FAM193A: variants seen among roughly 807,000 people sequenced by gnomAD.
FAM193A encodes the protein protein FAM193A.
Under a neutral mutation model 126.5 loss-of-function variants are expected in FAM193A, and 22 were observed. That is an observed-to-expected ratio of 0.17 (90% CI 0.12 to 0.25). The LOEUF (loss-of-function observed/expected upper bound fraction) is 0.25, where lower values mean the gene tolerates loss of function less well. Among genes scored for constraint, FAM193A ranks in the 10% least tolerant of loss-of-function variants. The pLI, the probability that FAM193A is intolerant of heterozygous loss-of-function variation, is 1.00. For missense variants in FAM193A, 1,675 were observed against 1,672.8 expected, an observed-to-expected ratio of 1.00 and a Z score of -0.02; for synonymous variants, 761 against 646.8, an observed-to-expected ratio of 1.18 and a Z score of -2.68.
chr4:2,549,375 CCTCT>C (rs1471285184), intron 1 of FAM193A, among the ~76,000 whole-genome samples: 3 of 150,832 alleles, frequency 2.0e-5, no homozygotes, highest in African/African-American at 7.3e-5. Flanking sequence ...GATTTTTTTC[CCTCT>C]ATGTTTTCTT....
At chr4:2,728,002 G>A (rs1485816362) in intron 20 of FAM193A, among the ~76,000 whole-genome samples, 1 of 151,568 alleles carries the variant, frequency 6.6e-6, no homozygotes, top group Non-Finnish European at 1.5e-5. Flanking sequence ...CACGATCTTG[G>A]CTCACCGCAA....
chr4:2,663,535 G>C (rs763184000), intron 12 of FAM193A, among the ~76,000 whole-genome samples: 3 of 152,124 alleles, frequency 2.0e-5, no homozygotes, highest in African/African-American at 7.2e-5. Flanking sequence ...GAAGCAAAGA[G>C]AGGAGTTAAA....
chr4:2,626,009 C>A (rs942526965), intron 3 of FAM193A, among the ~76,000 whole-genome samples: 1 of 152,144 alleles, frequency 6.6e-6, no homozygotes, highest in African/African-American at 2.4e-5. Flanking sequence ...CAGGCATGAG[C>A]CACCATGCCC....
intron 9 of FAM193A, 64 bp from the exon 10 acceptor site, chr4:2,659,748 T>G: frequency 6.2e-7 from 1 of 1,613,584 alleles, no homozygotes; most frequent in East Asian, 2.2e-5. Context: ...GAACCGACCC[T>G]TAGAGAGCAT....
At chr4:2,579,983 G>A (rs1020901810) in intron 1 of FAM193A, among the ~76,000 whole-genome samples, 1 of 152,160 alleles carries the variant, frequency 6.6e-6, no homozygotes, top group Non-Finnish European at 1.5e-5. Context: ...GCATGCGTGT[G>A]TTCATTGCAG....
At chr4:2,677,934 A>G (rs1016478331) in intron 13 of FAM193A, among the ~76,000 whole-genome samples, 22 of 152,086 alleles carry the variant, frequency 1.4e-4, no homozygotes, top group African/African-American at 5.3e-4. Context: ...ATCAACAAAT[A>G]TGGTATGTGT....
In FAM193A at chr4:2,731,922, C is replaced by T; in HGVS notation, c.*54C>T. ...AGAGGCAGGCCAGGCTGCACCACCC[C>T]AAGAGCCACGCCCCTCGCTGGCGCC... On this transcript the variant is annotated 3_prime_UTR_variant, in exon 21 of 21. Coordinates refer to ENST00000637812, the MANE Select transcript of FAM193A (RefSeq NM_001366318.2). 1 of 1,352,286 alleles carries T rather than the reference C, an allele frequency of 7.4e-7. No individual in the cohort carries two copies. 83.8% of individuals were successfully genotyped at this position (1,352,286 alleles called of 1,614,324 possible).
At chr4:2,717,833 T>G (rs988871142) in intron 20 of FAM193A, among the ~76,000 whole-genome samples, 1 of 151,728 alleles carries the variant, frequency 6.6e-6, no homozygotes, top group African/African-American at 2.4e-5. Flanking sequence ...TTTTTATTTT[T>G]AGTAGAGACG....
At chr4:2,720,810 T>C (rs970823510) in intron 20 of FAM193A, among the ~76,000 whole-genome samples, 2 of 152,202 alleles carry the variant, frequency 1.3e-5, no homozygotes, top group African/African-American at 4.8e-5. Flanking sequence ...TGAAACTTTA[T>C]TGGAAAACAT....
chr4:2,645,877 A>G lies in FAM193A; in HGVS notation c.1164-808A>G, dbSNP rs539967463. 8.5e-5 allele frequency among the ~76,000 whole-genome samples: 13 copies of G among 152,334 alleles called. No individual in the cohort carries two copies. In the South Asian group the frequency reaches 2.1e-3, roughly 24 times the overall value. On this transcript the variant is annotated intron_variant, in intron 6 of 20. Coordinates refer to ENST00000637812, the MANE Select transcript of FAM193A (RefSeq NM_001366318.2). ...ATAGTAGACAGAAAACTGTAACTATATTTCTTCAAGTAAATCAGATTTTGT... is the reference window on the plus strand; with the variant it reads ...ATAGTAGACAGAAAACTGTAACTATGTTTCTTCAAGTAAATCAGATTTTGT...
At chr4:2,617,938 T>C (rs1389219341) in intron 2 of FAM193A, among the ~76,000 whole-genome samples, 1 of 139,888 alleles carries the variant, frequency 7.1e-6, no homozygotes, top group African/African-American at 2.7e-5. Flanking sequence ...TTTGGTATTA[T>C]TTTCCCTGTC....
At chr4:2,661,759 A>G (rs1712475262) in intron 10 of FAM193A, among the ~76,000 whole-genome samples, 1 of 152,126 alleles carries the variant, frequency 6.6e-6, no homozygotes, top group Non-Finnish European at 1.5e-5. Flanking sequence ...CAGGCTGAAG[A>G]TGGACTCAGT....
chr4:2,589,458 T>C (rs1309019581), intron 1 of FAM193A, among the ~76,000 whole-genome samples: 1 of 152,248 alleles, frequency 6.6e-6, no homozygotes, highest in East Asian at 1.9e-4. Context: ...AACTGTTATA[T>C]TAGCTATTTA....
At chr4:2,635,377 C>A (rs1403170737) in intron 5 of FAM193A, among the ~76,000 whole-genome samples, 4 of 152,048 alleles carry the variant, frequency 2.6e-5, no homozygotes, top group African/African-American at 7.2e-5. Context: ...TCAGTACTTG[C>A]TGTATTGAAA....
intron 2 of FAM193A, among the ~76,000 whole-genome samples, chr4:2,618,787 G>A (rs562061850): frequency 6.6e-6 from 1 of 152,040 alleles, no homozygotes; most frequent in Admixed American, 6.6e-5. Context: ...AAGGGACAAG[G>A]TTGCTCCATG....
At chr4:2,590,151 AAAG>A (rs1740444979) in intron 1 of FAM193A, among the ~76,000 whole-genome samples, 2 of 141,024 alleles carry the variant, frequency 1.4e-5, no homozygotes, top group African/African-American at 5.4e-5. Context: ...AAAAAAAAAG[AAAG>A]AAAGAAAAGG....
chr4:2,731,934 C>T lies in FAM193A; in HGVS notation c.*66C>T. On this transcript the variant is annotated 3_prime_UTR_variant, in exon 21 of 21. Coordinates refer to ENST00000637812, the MANE Select transcript of FAM193A (RefSeq NM_001366318.2). ...GGCTGCACCACCCCAAGAGCCACGC[C>T]CCTCGCTGGCGCCCCAGAGCCGTGG... is the stretch of plus-strand genomic sequence containing the variant. 1.6e-6 allele frequency: 2 copies of T among 1,219,262 alleles called. No homozygotes were observed. The highest frequency in any genetic ancestry group is 2.3e-5 in the East Asian group (1 of 43,080). 75.5% of individuals were successfully genotyped at this position (1,219,262 alleles called of 1,614,324 possible).
intron 14 of FAM193A, among the ~76,000 whole-genome samples, 164 bp from the exon 15 acceptor site, chr4:2,690,534 A>G (rs934893058): frequency 6.6e-6 from 1 of 152,172 alleles, no homozygotes; most frequent in African/African-American, 2.4e-5. Flanking sequence ...TGCTCAATAC[A>G]ATTTTTTCTT....
chr4:2,624,101 T>C (rs1226041693), intron 2 of FAM193A, among the ~76,000 whole-genome samples: 1 of 151,646 alleles, frequency 6.6e-6, no homozygotes, highest in Non-Finnish European at 1.5e-5. Context: ...GAACCTAGGG[T>C]TGTGTTGTGT....
Sources: allele counts gnomAD v4.1 joint callset (sites outside exome capture counted in the v4.1 genomes callset), GRCh38; gene constraint gnomAD v4.1.1; transcripts MANE v1.5; gene names NCBI Gene and HGNC (gene_info 2026-07-23, HGNC 2026-07-21).